The following LRP1B variants were observed in gnomAD, a reference collection of about 807,000 sequenced individuals.
LRP1B encodes the protein low-density lipoprotein receptor-related protein 1B.
Under a neutral mutation model 556.6 loss-of-function variants are expected in LRP1B, and 217 were observed. The observed-to-expected ratio is 0.39, with a 90% CI of 0.35 to 0.44. The LOEUF (loss-of-function observed/expected upper bound fraction) is 0.44, where lower values mean the gene tolerates loss of function less well. LRP1B is among the 20% of genes least tolerant of loss of function. The pLI, the probability that LRP1B is intolerant of heterozygous loss-of-function variation, is 1.00. For missense variants in LRP1B, 5,053 were observed against 5,620.8 expected, an observed-to-expected ratio of 0.90 and a Z score of 3.23; for synonymous variants, 2,047 against 1,865.8, an observed-to-expected ratio of 1.10 and a Z score of -2.50.
At chr2:141,782,700 A>G (rs1025437004) in intron 2 of LRP1B, among the ~76,000 whole-genome samples, 1 of 151,980 alleles carries the variant, frequency 6.6e-6, no homozygotes, top group African/African-American at 2.4e-5. Flanking sequence ...CTAAAAACAA[A>G]CATAACATAT....
At chr2:140,843,861 G>C (rs1017663361) in intron 29 of LRP1B, among the ~76,000 whole-genome samples, 1 of 152,028 alleles carries the variant, frequency 6.6e-6, no homozygotes, top group African/African-American at 2.4e-5. Context: ...TTGAGGGCAG[G>C]CTCCTTGCTA....
rs116308250 is a variant in LRP1B at position 142,038,448 on chromosome 2, C to T, written c.82+92200G>A. On this transcript the variant is annotated intron_variant, in intron 1 of 90. Coordinates refer to ENST00000389484, the MANE Select transcript of LRP1B (RefSeq NM_018557.3). ...TTGCTGATATTTGGTACATTTAGTT[C>T]TCAAGAACTGACTGATTATACAAAA... Among the ~76,000 whole-genome samples the T allele has an allele frequency of 4.2e-3, 639 of 151,718 alleles. 7 individuals are homozygous for T. The highest frequency in any genetic ancestry group is 0.015 in the African/African-American group (609 of 41,456).
intron 85 of LRP1B, 82 bp from the exon 86 acceptor site, chr2:140,270,428 T>G: frequency 1.1e-6 from 1 of 919,314 alleles, no homozygotes; most frequent in Non-Finnish European, 1.8e-6. Flanking sequence ...TCTCTGTGGA[T>G]GAGAATATTC....
At chr2:141,768,211 T>C (rs552704556) in intron 2 of LRP1B, among the ~76,000 whole-genome samples, 1 of 152,306 alleles carries the variant, frequency 6.6e-6, no homozygotes, top group South Asian at 2.1e-4. Flanking sequence ...ACTTTAGCCT[T>C]CAATGGCTTA....
At chr2:142,057,484 T>C (rs576849938) in intron 1 of LRP1B, among the ~76,000 whole-genome samples, 6 of 152,150 alleles carry the variant, frequency 3.9e-5, no homozygotes, top group Non-Finnish European at 8.8e-5. Flanking sequence ...AGTCTAGTGA[T>C]ACAGAATGCC....
intron 72 of LRP1B, 48 bp from the exon 73 acceptor site, chr2:140,358,994 T>G: frequency 6.4e-7 from 1 of 1,556,972 alleles, no homozygotes; most frequent in African/African-American, 1.4e-5. Flanking sequence ...AGTACATTGC[T>G]TTATGAAGAA....
intron 3 of LRP1B, among the ~76,000 whole-genome samples, chr2:141,352,454 C>T (rs1316011069): frequency 1.3e-5 from 2 of 151,396 alleles, no homozygotes; most frequent in East Asian, 3.9e-4. Flanking sequence ...TTCATATGTC[C>T]CTAAGTCACT....
At chr2:140,646,545 CTTT>C (rs1046488650) in intron 41 of LRP1B, among the ~76,000 whole-genome samples, 2 of 152,112 alleles carry the variant, frequency 1.3e-5, no homozygotes, top group African/African-American at 4.8e-5. Flanking sequence ...AGTCTATGCA[CTTT>C]TTTATATCCA....
intron 43 of LRP1B, among the ~76,000 whole-genome samples, chr2:140,555,624 T>C (rs896489250): frequency 3.3e-5 from 5 of 152,124 alleles, no homozygotes; most frequent in Non-Finnish European, 5.9e-5. Context: ...ACCTGTTAAA[T>C]AAGCTTTAAA....
At chr2:141,086,927 A>G (rs1700061037) in intron 7 of LRP1B, among the ~76,000 whole-genome samples, 2 of 152,180 alleles carry the variant, frequency 1.3e-5, no homozygotes, top group Admixed American at 1.3e-4. Flanking sequence ...CCAACAATAC[A>G]TAATACTTGT....
chr2:141,814,434 T>C (rs1485065372), intron 1 of LRP1B, among the ~76,000 whole-genome samples: 1 of 152,136 alleles, frequency 6.6e-6, no homozygotes, highest in Non-Finnish European at 1.5e-5. Flanking sequence ...TTGGCTACTA[T>C]GTTGAGAATA....
chr2:141,885,960 T>A (rs2104903125), intron 1 of LRP1B, among the ~76,000 whole-genome samples: 1 of 152,288 alleles, frequency 6.6e-6, no homozygotes, highest in East Asian at 1.9e-4. Flanking sequence ...GTTTCAGTCA[T>A]GAGCAATACA....
intron 35 of LRP1B, among the ~76,000 whole-genome samples, chr2:140,736,301 G>C (rs1167112599): frequency 1.2e-4 from 19 of 152,104 alleles, no homozygotes; most frequent in Non-Finnish European, 2.6e-4. Context: ...AAGAAGTTCA[G>C]TGGTTACTCT....
chr2:140,309,349 G>A (rs945057346), intron 83 of LRP1B, among the ~76,000 whole-genome samples: 1 of 151,662 alleles, frequency 6.6e-6, no homozygotes, highest in Non-Finnish European at 1.5e-5. Flanking sequence ...CTTCTAGAAG[G>A]TTTATTTTCA....
At chr2:140,606,730 T>C (rs1400047585) in intron 41 of LRP1B, among the ~76,000 whole-genome samples, 3 of 152,144 alleles carry the variant, frequency 2.0e-5, no homozygotes, top group South Asian at 2.1e-4. Context: ...AACAATTGTA[T>C]AGCCACATGT....
intron 3 of LRP1B, among the ~76,000 whole-genome samples, chr2:141,314,826 A>ATATG (rs1323342015): frequency 9.0e-4 from 107 of 119,170 alleles, no homozygotes; most frequent in African/African-American, 3.1e-3. Flanking sequence ...ATATATATAT[A>ATATG]TGTGTATATA....
At chr2:141,675,219 T>C (rs1355470386) in intron 2 of LRP1B, among the ~76,000 whole-genome samples, 4 of 151,974 alleles carry the variant, frequency 2.6e-5, no homozygotes, top group Non-Finnish European at 5.9e-5. Flanking sequence ...TTATTATATT[T>C]AAAGTACCTT....
intron 2 of LRP1B, among the ~76,000 whole-genome samples, chr2:141,585,005 T>C (rs1687088664): frequency 6.6e-6 from 1 of 152,180 alleles, no homozygotes; most frequent in Non-Finnish European, 1.5e-5. Flanking sequence ...TTAACACTAC[T>C]GAACTATACA....
chr2:141,433,337 C>T (rs986968590), intron 3 of LRP1B, among the ~76,000 whole-genome samples: 9 of 151,938 alleles, frequency 5.9e-5, no homozygotes, highest in African/African-American at 2.2e-4. Context: ...AGAAAGTGGT[C>T]CGTGTGTGCT....
Sources: allele counts gnomAD v4.1 joint callset (sites outside exome capture counted in the v4.1 genomes callset), GRCh38; gene constraint gnomAD v4.1.1; transcripts MANE v1.5; gene names NCBI Gene and HGNC (gene_info 2026-07-23, HGNC 2026-07-21).